Variants in MYCBPAP observed in about 807,000 individuals in gnomAD.
The protein encoded by MYCBPAP is MYCBP associated protein, also known as MYCBP-associated protein.
MYCBPAP carries 60 observed loss-of-function variants against 106.1 expected under a neutral mutation model. The ratio of observed to expected loss-of-function variants is 0.57; its 90% CI spans 0.46 to 0.70. The LOEUF is 0.70. Among genes scored for constraint, MYCBPAP ranks in the 30% least tolerant of loss-of-function variants. The probability of loss-of-function intolerance (pLI) is 0.00; values close to 1 mark genes in which losing one functional copy is unlikely to be tolerated. For missense variants in MYCBPAP, 1,064 were observed against 1,169.3 expected (o/e 0.91, Z 1.31); for synonymous variants, 407 against 440.6 (o/e 0.92, Z 0.95).
At chr17:50,509,455 C>G in intron 1 of MYCBPAP, 1 of 291,784 alleles carries the variant, frequency 3.4e-6, no homozygotes. Context: ...GACATGTTCT[C>G]ACTTGCAACC....
intron 10 of MYCBPAP, chr17:50,522,709 A>AAAATATATATATATATATATATATATAT: frequency 2.0e-5 from 1 of 50,012 alleles, no homozygotes; most frequent in South Asian, 7.8e-4. Context: ...AAAAAAAAAA[A>AAAATATATATATATATATATATATATAT]ATATATATAT....
chr17:50,528,292 C>T (rs1463745933), intron 16 of MYCBPAP, 22 bp downstream of exon 16: 11 of 1,562,540 alleles, frequency 7.0e-6, no homozygotes, highest in Admixed American at 1.7e-5. Context: ...TGCAACCAAC[C>T]ACACCTCTGC....
At chr17:50,513,793 G>C (rs1298580839) in intron 1 of MYCBPAP, among the ~76,000 whole-genome samples, 1 of 152,214 alleles carries the variant, frequency 6.6e-6, no homozygotes, top group East Asian at 1.9e-4. Context: ...ACCTTCAGCT[G>C]ATCTCAGTTC....
At chr17:50,528,380 G>C (rs2034527231) in intron 16 of MYCBPAP, 110 bp downstream of exon 16, 1 of 1,018,434 alleles carries the variant, frequency 9.8e-7, no homozygotes, top group Non-Finnish European at 1.5e-6. Context: ...AGCTCTGCTA[G>C]GTTGAGCCCA....
At chr17:50,522,220 G>T in intron 10 of MYCBPAP, 139 bp downstream of exon 10, 1 of 610,606 alleles carries the variant, frequency 1.6e-6, no homozygotes. Flanking sequence ...TCTGAAAATG[G>T]TGACAGCAAC....
Position 50,508,643 on chromosome 17 carries a change from C to T in MYCBPAP, c.-32C>T. ...CCTCGGTGTCTCTGGGCCGGCGGTG[C>T]AGGGCAACGTTTCATGGTGCCGGGC... is the stretch of plus-strand genomic sequence containing the variant. On this transcript the variant is annotated 5_prime_UTR_variant, in exon 1 of 19. An upstream open reading frame in the 5' UTR gains an earlier in-frame stop. Coordinates refer to ENST00000323776, the MANE Select transcript of MYCBPAP (RefSeq NM_032133.6). 5.0e-6 allele frequency: 8 copies of T among 1,587,158 alleles called. No individual in the cohort carries two copies. The highest frequency in any genetic ancestry group is 6.9e-6 in the Non-Finnish European group (8 of 1,164,352).
At chr17:50,514,313 C>T (rs747534704) in intron 1 of MYCBPAP, among the ~76,000 whole-genome samples, 5 of 152,134 alleles carry the variant, frequency 3.3e-5, no homozygotes, top group Admixed American at 6.6e-5. Flanking sequence ...TTTATGTTTT[C>T]GTGATATTGC....
At chr17:50,521,262 T>TGG in intron 8 of MYCBPAP, 37 bp downstream of exon 8, 1 of 1,597,444 alleles carries the variant, frequency 6.3e-7, no homozygotes, top group Non-Finnish European at 8.5e-7. Context: ...AGAAGCCCCT[T>TGG]GGGGCGATGC....
At chr17:50,528,909 C>T in intron 17 of MYCBPAP, 69 bp downstream of exon 17, 1 of 1,599,488 alleles carries the variant, frequency 6.3e-7, no homozygotes, top group African/African-American at 1.3e-5. Flanking sequence ...GAGGTGGGGG[C>T]TGTGGAGGTG....
intron 7 of MYCBPAP, chr17:50,520,887 C>T: frequency 3.8e-6 from 2 of 521,770 alleles, no homozygotes; most frequent in Non-Finnish European, 6.9e-6. Context: ...TTATTATAAT[C>T]CAAAGATTTG....
In MYCBPAP at chr17:50,528,271, G is replaced by A. The variant is rs774259430; in HGVS notation, c.2407+1G>A. The A allele has an allele frequency of 2.1e-5, 34 of 1,611,096 alleles. No homozygotes were observed. Among genetic ancestry groups the A allele is most frequent in the Non-Finnish European group, 3.4e-6 (4 of 1,178,230 alleles). On this transcript the variant is annotated splice_donor_variant, in intron 16 of 18. Transcript: ENST00000323776. LOFTEE classifies it high-confidence loss of function. ...TATTTGAATGTGCCTGAAGAGCAAG[G>A]TCAGATCTTGTGCAACCAACCACAC...
intron 7 of MYCBPAP, 193 bp downstream of exon 7, chr17:50,519,980 G>A: frequency 1.7e-6 from 1 of 596,626 alleles, no homozygotes; most frequent in Non-Finnish European, 2.8e-6. Context: ...GTAAAACGGT[G>A]AGAGAGCTAG....
At position 50,513,537 on chromosome 17, in the gene MYCBPAP, T is replaced by A. The variant is rs140647697; in HGVS notation, c.77-3033T>A. 4.9e-3 allele frequency among the ~76,000 whole-genome samples: 754 copies of A among 152,332 alleles called. 7 individuals carry two copies. The highest frequency in any genetic ancestry group is 0.017 in the African/African-American group (702 of 41,580). ...AACCTTAGACCAGAGTTTTACTATT[T>A]CAATCTAAAGCAAACATGAAAGATT... On this transcript the variant is annotated intron_variant, in intron 1 of 18. Coordinates refer to ENST00000323776, the MANE Select transcript of MYCBPAP (RefSeq NM_032133.6).
chr17:50,508,935 G>A, intron 1 of MYCBPAP, 185 bp downstream of exon 1: 1 of 716,884 alleles, frequency 1.4e-6, no homozygotes, highest in Non-Finnish European at 2.5e-6. Context: ...AGCCTACAGC[G>A]CACTGGGCCT....
chr17:50,528,742 G>C lies in MYCBPAP; in HGVS notation c.2455G>C (p.Ala819Pro), dbSNP rs778378155. The C allele has an allele frequency of 1.2e-6, 2 of 1,613,996 alleles. No homozygotes were observed. The highest frequency in any genetic ancestry group is 1.7e-5 in the Admixed American group (1 of 59,988). Residue 819 changes from alanine (A) to proline (P), a missense_variant, in exon 17 of 19, where the codon GCT becomes CCT. Physicochemically the swap from Ala to Pro is conservative, Grantham distance 27. Transcript: ENST00000323776. ...IMEVKVPVGK[A>P]GKEERKGAAQ... ...GGAAGTGAAGGTACCTGTGGGGAAA[G>C]CTGGGAAGGAGGAGCGGAAAGGAGC...
Position 50,527,384 on chromosome 17 carries a change from A to T in MYCBPAP, c.2267A>T (p.Gln756Leu). The T allele has an allele frequency of 6.2e-7, 1 of 1,614,068 alleles. No individual in the cohort carries two copies. Among genetic ancestry groups the T allele is most frequent in the Non-Finnish European group, 8.5e-7 (1 of 1,179,970 alleles). ...LELCQKPRPLQSNLLHQMCLQ... is the reference protein window; with the variant it reads ...LELCQKPRPLLSNLLHQMCLQ... ...CTGTGCCAGAAGCCAAGGCCATTGC[A>T]GTCCAACCTCCTGCACCAGATGTGG... The change falls in exon 15 of 19, where the codon CAG becomes CTG. Residue 756 changes from glutamine to leucine, a missense_variant. By Grantham distance (113) the Gln-to-Leu change is moderately radical. Coordinates refer to ENST00000323776, the MANE Select transcript of MYCBPAP (RefSeq NM_032133.6).
chr17:50,516,727 A>G (rs777255009), intron 2 of MYCBPAP, 30 bp downstream of exon 2: 8 of 1,612,380 alleles, frequency 5.0e-6, no homozygotes, highest in Admixed American at 3.3e-5. Flanking sequence ...TTCCCTTACC[A>G]TAGAAACGTT....
chr17:50,529,265 G>A (rs1334443479), intron 18 of MYCBPAP, 77 bp downstream of exon 18: 4 of 1,374,008 alleles, frequency 2.9e-6, no homozygotes, highest in Non-Finnish European at 4.0e-6. Context: ...CAGACAATAA[G>A]TGCCCACTCC....
At chr17:50,530,656 T>A (rs1401513590) in intron 18 of MYCBPAP, among the ~76,000 whole-genome samples, 1 of 149,802 alleles carries the variant, frequency 6.7e-6, no homozygotes, top group African/African-American at 2.5e-5. Context: ...AATCAACTTG[T>A]CTGGGCTTGT....
Sources: allele counts gnomAD v4.1 joint callset (sites outside exome capture counted in the v4.1 genomes callset), GRCh38; gene constraint gnomAD v4.1.1; transcripts MANE v1.5; gene names NCBI Gene and HGNC (gene_info 2026-07-23, HGNC 2026-07-21).